ARB2A: variants seen among roughly 807,000 people sequenced by gnomAD.
ARB2A encodes ARB2 cotranscriptional regulator A.
At chr5:93,634,255 C>T in the ARB2A span, among the ~76,000 whole-genome samples, 1 of 151,802 alleles carries the variant, frequency 6.6e-6, no homozygotes, top group Non-Finnish European at 1.5e-5. Flanking sequence ...CAAAAATTAG[C>T]TGGGCGTGGT....
At chr5:93,805,783 G>A in the ARB2A span, 6 of 984,970 alleles carry the variant, frequency 6.1e-6, no homozygotes, top group East Asian at 1.1e-4. Context: ...TGGGGTTGTC[G>A]TTCAGTCCTA....
At chr5:93,865,519 T>C in the ARB2A span, 1 of 985,294 alleles carries the variant, frequency 1.0e-6, no homozygotes, top group Non-Finnish European at 1.2e-6. Flanking sequence ...CATTGTACTT[T>C]TATCACACTA....
At chr5:93,951,456 T>C in the ARB2A span, among the ~76,000 whole-genome samples, 1 of 152,182 alleles carries the variant, frequency 6.6e-6, no homozygotes, top group Non-Finnish European at 1.5e-5. Context: ...AGTTTCATAG[T>C]TTGAGGTCTT....
the ARB2A span, among the ~76,000 whole-genome samples, chr5:93,849,033 A>G: frequency 6.6e-6 from 1 of 152,226 alleles, no homozygotes. Flanking sequence ...AAGTTAAAAC[A>G]GAAGCACATT....
At chr5:93,782,003 A>C in the ARB2A span, 1 of 886,796 alleles carries the variant, frequency 1.1e-6, no homozygotes, top group South Asian at 5.2e-5. Flanking sequence ...TTTCATCCTG[A>C]GAGTTTGGAA....
At chr5:93,935,108 TA>T in the ARB2A span, among the ~76,000 whole-genome samples, 1 of 151,982 alleles carries the variant, frequency 6.6e-6, no homozygotes, top group Non-Finnish European at 1.5e-5. Context: ...GGGTGAGGGA[TA>T]AAAGACTACA....
At chr5:93,729,774 G>A in the ARB2A span, among the ~76,000 whole-genome samples, 16 of 152,074 alleles carry the variant, frequency 1.1e-4, no homozygotes, top group African/African-American at 3.6e-4. Flanking sequence ...GTTTTATGGT[G>A]AGTCTTAGAA....
chr5:93,852,297 GGTT>G, the ARB2A span, among the ~76,000 whole-genome samples: 7 of 151,952 alleles, frequency 4.6e-5, no homozygotes, highest in African/African-American at 1.7e-4. Context: ...TTTTTGATGG[GGTT>G]GTTTGTTTTT....
chr5:93,724,970 G>A, the ARB2A span, among the ~76,000 whole-genome samples: 162 of 152,162 alleles, frequency 1.1e-3, no homozygotes, highest in Non-Finnish European at 2.0e-3. Flanking sequence ...ACTAATGGGA[G>A]GTTGGCATAT....
the ARB2A span, among the ~76,000 whole-genome samples, chr5:93,816,381 T>C: frequency 1.3e-5 from 2 of 152,324 alleles, no homozygotes; most frequent in East Asian, 3.9e-4. Flanking sequence ...ATTAAGATCT[T>C]TTATAATACC....
the ARB2A span, among the ~76,000 whole-genome samples, chr5:93,745,892 A>G: frequency 6.6e-6 from 1 of 152,094 alleles, no homozygotes; most frequent in Non-Finnish European, 1.5e-5. Flanking sequence ...CTCAAGAATC[A>G]TATTAGTTAA....
chr5:93,777,584 AT>A, the ARB2A span, among the ~76,000 whole-genome samples: 28,215 of 147,944 alleles, frequency 0.19, 3,013 homozygotes, highest in Middle Eastern at 0.28. Context: ...TTCCAGACAG[AT>A]TTTTTTTTTT....
chr5:93,963,430 A>G, the ARB2A span, among the ~76,000 whole-genome samples: 2 of 152,000 alleles, frequency 1.3e-5, no homozygotes, highest in African/African-American at 4.8e-5. Context: ...AAACATTTAA[A>G]TAAATATATG....
the ARB2A span, among the ~76,000 whole-genome samples, chr5:93,698,768 A>G: frequency 2.0e-5 from 3 of 152,204 alleles, no homozygotes; most frequent in Non-Finnish European, 4.4e-5. Context: ...AGTACAAACT[A>G]TATGTTAGGC....
the ARB2A span, among the ~76,000 whole-genome samples, chr5:93,966,673 A>G: frequency 1.3e-5 from 2 of 152,064 alleles, no homozygotes; most frequent in African/African-American, 4.8e-5. Context: ...CGTGTTCAGC[A>G]TGCTCTCCTC....
At chr5:93,934,768 T>C in the ARB2A span, among the ~76,000 whole-genome samples, 2 of 152,204 alleles carry the variant, frequency 1.3e-5, no homozygotes, top group Non-Finnish European at 2.9e-5. Flanking sequence ...ATGACAGCCA[T>C]ACTCAGGGGG....
At chr5:93,948,454 T>C in the ARB2A span, among the ~76,000 whole-genome samples, 1 of 152,170 alleles carries the variant, frequency 6.6e-6, no homozygotes, top group South Asian at 2.1e-4. Flanking sequence ...TCCCATTTTG[T>C]AGGCTGCCTG....
At chr5:93,878,394 G>T in the ARB2A span, among the ~76,000 whole-genome samples, 1 of 151,890 alleles carries the variant, frequency 6.6e-6, no homozygotes, top group Non-Finnish European at 1.5e-5. Flanking sequence ...TATATTAAGA[G>T]CTATGTGACC....
At chr5:93,722,369 A>G in the ARB2A span, among the ~76,000 whole-genome samples, 51 of 152,180 alleles carry the variant, frequency 3.4e-4, no homozygotes, top group East Asian at 5.4e-3. Context: ...ACCTACTCCA[A>G]CTTACTTTAT....
Sources: gnomAD v4.1 joint callset for allele counts (sites outside exome capture counted in the v4.1 genomes callset) on GRCh38, gnomAD v4.1.1 for gene constraint, MANE v1.5 for transcripts, NCBI Gene and HGNC (gene_info 2026-07-23, HGNC 2026-07-21) for gene names.